Variants in TNRC6B observed in about 807,000 individuals in gnomAD.
The protein encoded by TNRC6B is trinucleotide repeat-containing gene 6B protein.
A neutral mutation model predicts 203.6 loss-of-function variants in TNRC6B; 52 were observed. That is an observed-to-expected ratio of 0.26 (90% CI 0.20 to 0.32). The LOEUF (loss-of-function observed/expected upper bound fraction) is 0.32. Among genes scored for constraint, TNRC6B ranks in the 10% least tolerant of loss-of-function variants. TNRC6B has a pLI of 1.00. For synonymous variants in TNRC6B, 838 were observed against 845.7 expected, an observed-to-expected ratio of 0.99 and a Z score of 0.16; for missense variants, 1,923 against 2,286.2, an observed-to-expected ratio of 0.84 and a Z score of 3.24.
At chr22:40,099,354 G>A (rs2146303301) in intron 1 of TNRC6B, among the ~76,000 whole-genome samples, 1 of 151,954 alleles carries the variant, frequency 6.6e-6, no homozygotes, top group East Asian at 1.9e-4. Context: ...ATCATTTGCT[G>A]AAATAATTCA....
At chr22:40,294,532 C>T (rs889493709) in intron 12 of TNRC6B, among the ~76,000 whole-genome samples, 4 of 152,178 alleles carry the variant, frequency 2.6e-5, no homozygotes, top group Admixed American at 6.5e-5. Flanking sequence ...AGATCACCTT[C>T]TGAGGTTCCC....
rs187943942 is a variant in TNRC6B, at chr22:40,327,127, C to G, written c.*3886C>G. Reference sequence around the variant, plus strand: ...TCCCAGTGGGAAGGAAACTCCAGCTCGACAGGTAAAGGGAGTGGGTGGGGT... The same window carrying G: ...TCCCAGTGGGAAGGAAACTCCAGCTGGACAGGTAAAGGGAGTGGGTGGGGT... On this transcript the variant is annotated 3_prime_UTR_variant, in exon 23 of 23. Transcript: ENST00000454349. 2.6e-5 allele frequency: 4 copies of G among 153,036 alleles called. No homozygotes were observed. Among genetic ancestry groups the G allele is most frequent in the African/African-American group, 9.7e-5 (4 of 41,422 alleles). 9.5% of individuals were successfully genotyped at this position (153,036 alleles called of 1,614,324 possible).
rs1451578215 is a variant in TNRC6B at position 40,329,054 on chromosome 22, C to T, written c.*5813C>T. 2.0e-5 allele frequency: 3 copies of T among 152,248 alleles called. No individual in the cohort carries two copies. Among genetic ancestry groups the T allele is most frequent in the Non-Finnish European group, 4.4e-5 (3 of 67,994 alleles). 9.4% of individuals were successfully genotyped at this position (152,248 alleles called of 1,614,324 possible). On this transcript the variant is annotated 3_prime_UTR_variant, in exon 23 of 23. Coordinates refer to ENST00000454349, the MANE Select transcript of TNRC6B (RefSeq NM_001162501.2). ...AAACAAAAACAAAACAAAAAAAAGC[C>T]TTGTTCTTTAATTGTGTTTTTCCTC...
chr22:40,243,342 G>A (rs1463631624), intron 1 of TNRC6B, among the ~76,000 whole-genome samples: 2 of 152,156 alleles, frequency 1.3e-5, no homozygotes, highest in East Asian at 1.9e-4. Context: ...CTAAGGAAGT[G>A]AAATTTAAAA....
At chr22:40,171,156 ATT>A (rs747786805) in intron 4 of TNRC6B, among the ~76,000 whole-genome samples, 9 of 124,412 alleles carry the variant, frequency 7.2e-5, no homozygotes, top group African/African-American at 1.2e-4. Context: ...ATAAATGCTA[ATT>A]TTTTTTTTTT....
intron 1 of TNRC6B, among the ~76,000 whole-genome samples, chr22:40,198,496 G>T (rs888836394): frequency 3.3e-5 from 5 of 152,062 alleles, no homozygotes; most frequent in African/African-American, 1.2e-4. Flanking sequence ...AGGAGGGAGG[G>T]TCTGGTGTGC....
chr22:40,099,596 A>C (rs1310302083), intron 1 of TNRC6B, among the ~76,000 whole-genome samples: 1 of 152,208 alleles, frequency 6.6e-6, no homozygotes, highest in East Asian at 1.9e-4. Context: ...TTCCCTAAAT[A>C]ATACAGTACA....
At chr22:40,210,208 T>G (rs1301398996) in intron 1 of TNRC6B, among the ~76,000 whole-genome samples, 2 of 151,934 alleles carry the variant, frequency 1.3e-5, no homozygotes, top group Non-Finnish European at 2.9e-5. Flanking sequence ...GGTTTAACTA[T>G]AAAACAGAGA....
At position 40,293,190 on chromosome 22, in the gene TNRC6B, C is replaced by CTTTTTT. The variant is rs748230080; in HGVS notation, c.3709-7247_3709-7242dup. On this transcript the variant is annotated intron_variant, in intron 12 of 22. Coordinates refer to ENST00000454349, the MANE Select transcript of TNRC6B (RefSeq NM_001162501.2). ...AGCAGTGCTGCTATAATATCCTTTT[C>CTTTTTT]TTTTTTTTTTTTTTTTTTTTTTTGA... Among the ~76,000 whole-genome samples, 658 of 79,306 alleles carry CTTTTTT rather than the reference C, an allele frequency of 8.3e-3. 17 individuals carry two copies. Among genetic ancestry groups the CTTTTTT allele is most frequent in the African/African-American group, 0.017 (356 of 20,740 alleles). 52.0% of individuals were successfully genotyped at this position (79,306 alleles called of 152,430 possible). A position where few individuals can be genotyped will look rare whatever the true frequency, so the allele number is the denominator to read the frequency against.
chr22:40,128,651 G>A (rs944867422), intron 3 of TNRC6B, among the ~76,000 whole-genome samples: 1 of 150,598 alleles, frequency 6.6e-6, no homozygotes, highest in African/African-American at 2.4e-5. Context: ...AGCCTCCCAA[G>A]TAGCTGGGAC....
intron 1 of TNRC6B, among the ~76,000 whole-genome samples, chr22:40,181,805 A>C: frequency 6.6e-6 from 1 of 151,818 alleles, no homozygotes; most frequent in East Asian, 1.9e-4. Context: ...TTAGCTGGGC[A>C]TGGTGGCTCA....
At chr22:40,213,936 G>A (rs1237850435) in intron 1 of TNRC6B, among the ~76,000 whole-genome samples, 1 of 152,062 alleles carries the variant, frequency 6.6e-6, no homozygotes, top group African/African-American at 2.4e-5. Flanking sequence ...AAATAATGTA[G>A]ACAGGTACCG....
At chr22:40,174,484 C>T (rs1286802548), upstream of TNRC6B, among the ~76,000 whole-genome samples, 1 of 152,134 alleles carries the variant, frequency 6.6e-6, no homozygotes, top group African/African-American at 2.4e-5. Context: ...CCTGGCCAAT[C>T]ATGTTTTCTG....
At chr22:40,138,087 C>T (rs542629975) in intron 3 of TNRC6B, among the ~76,000 whole-genome samples, 1 of 152,140 alleles carries the variant, frequency 6.6e-6, no homozygotes, top group South Asian at 2.1e-4. Flanking sequence ...TAGGAGTCCC[C>T]TCAGGAAGAC....
chr22:40,210,977 T>C (rs1037782045), intron 1 of TNRC6B, among the ~76,000 whole-genome samples: 1 of 152,212 alleles, frequency 6.6e-6, no homozygotes, highest in African/African-American at 2.4e-5. Flanking sequence ...TATTGTCAGA[T>C]GTCTCCTGAA....
At chr22:40,176,064 T>G (rs971737835), upstream of TNRC6B, among the ~76,000 whole-genome samples, 1 of 151,844 alleles carries the variant, frequency 6.6e-6, no homozygotes, top group African/African-American at 2.4e-5. Flanking sequence ...TAGGGAATCC[T>G]CCCTTTTCTG....
intron 12 of TNRC6B, among the ~76,000 whole-genome samples, chr22:40,287,848 G>A (rs2070809095): frequency 6.6e-6 from 1 of 152,192 alleles, no homozygotes; most frequent in East Asian, 1.9e-4. Context: ...AGAATTCCCA[G>A]CAGATAGTGT....
chr22:40,093,846 A>G (rs1157353116), intron 1 of TNRC6B, among the ~76,000 whole-genome samples: 3 of 152,152 alleles, frequency 2.0e-5, no homozygotes, highest in Non-Finnish European at 4.4e-5. Flanking sequence ...GTTGATGGGT[A>G]CAAAAATACA....
At chr22:40,150,757 CTT>C (rs939995517) in intron 3 of TNRC6B, among the ~76,000 whole-genome samples, 1 of 152,156 alleles carries the variant, frequency 6.6e-6, no homozygotes, top group Admixed American at 6.5e-5. Flanking sequence ...GAAAGCCTGA[CTT>C]ATATCTGTCA....
Sources: allele counts gnomAD v4.1 joint callset (sites outside exome capture counted in the v4.1 genomes callset), GRCh38; gene constraint gnomAD v4.1.1; transcripts MANE v1.5; gene names NCBI Gene and HGNC (gene_info 2026-07-23, HGNC 2026-07-21).